Variants in PATJ observed in about 807,000 individuals in gnomAD.
PATJ encodes the protein inaD-like protein.
PATJ carries 190 observed loss-of-function variants against 224.9 expected under a neutral mutation model. The ratio of observed to expected loss-of-function variants is 0.84; its 90% confidence interval spans 0.75 to 0.95. The LOEUF is 0.95. PATJ is among the 40% of genes least tolerant of loss of function. The pLI, the probability that PATJ is intolerant of heterozygous loss-of-function variation, is 0.00. For synonymous variants in PATJ, 769 were observed against 820.3 expected (o/e 0.94, Z 1.07); for missense variants, 2,121 against 2,270.3 (o/e 0.93, Z 1.34).
At chr1:61,901,498 C>G in intron 24 of PATJ, 39 bp downstream of exon 24, 1 of 1,379,092 alleles carries the variant, frequency 7.3e-7, no homozygotes. Context: ...TGGAAACATA[C>G]GGTAAGACAG....
intron 16 of PATJ, among the ~76,000 whole-genome samples, chr1:61,832,670 G>A (rs1389951121): frequency 6.6e-6 from 1 of 152,100 alleles, no homozygotes; most frequent in African/African-American, 2.4e-5. Context: ...GATAACCATG[G>A]TAAACTCTGT....
Position 61,875,366 on chromosome 1 carries a change from G to C in PATJ, c.2959G>C (p.Gly987Arg). ...ATTAGCAAAAACTAGTCTGGATTTA[G>C]GTTTGTGACTTTTGTTTCTCATAAA... is the stretch of plus-strand genomic sequence containing the variant. ...NSLAKTSLDLGMIPNDVQGPS... is the reference protein window; with the variant it reads ...NSLAKTSLDLRMIPNDVQGPS... The change falls in exon 21 of 44, where the codon GGC becomes CGC. Residue 987 changes from glycine (G) to arginine (R), a missense_variant and splice_region_variant. By Grantham distance (125) the Gly-to-Arg change is moderately radical. Coordinates refer to ENST00000642238, the MANE Select transcript of PATJ (RefSeq NM_001350145.3). 1 of 1,597,438 alleles carries C rather than the reference G, an allele frequency of 6.3e-7. No homozygotes were observed. Among genetic ancestry groups the C allele is most frequent in the Non-Finnish European group, 8.5e-7 (1 of 1,174,564 alleles).
At chr1:61,955,751 T>C (rs576516988) in intron 27 of PATJ, among the ~76,000 whole-genome samples, 5 of 152,330 alleles carry the variant, frequency 3.3e-5, no homozygotes, top group African/African-American at 1.2e-4. Context: ...TTTGAAGTCT[T>C]ATTATTTTAT....
rs758380788 is a variant in PATJ at position 62,017,876 on chromosome 1, T to C, written c.3888T>C (p.Tyr1296=). ...AACAGATAAACAATCAGATTCTGTA[T>C]GGAAGAAGTCACCAAAATGCATCTG... ...ELLEINNQIL[Y]GRSHQNASAI... Residue 1296 remains tyrosine, a synonymous_variant, in exon 29 of 44, where the codon TAT becomes TAC. Transcript: ENST00000642238. 9 of 1,608,956 alleles carry C rather than the reference T, an allele frequency of 5.6e-6. No individual in the cohort carries two copies. Among genetic ancestry groups the C allele is most frequent in the Non-Finnish European group, 7.7e-6 (9 of 1,175,402 alleles).
At chr1:62,065,599 C>G (rs1243314064) in intron 31 of PATJ, among the ~76,000 whole-genome samples, 1 of 152,088 alleles carries the variant, frequency 6.6e-6, no homozygotes, top group Non-Finnish European at 1.5e-5. Context: ...CAGAGTAAGA[C>G]TCTGTCTCAA....
At chr1:62,068,483 T>C (rs756336371) in intron 31 of PATJ, among the ~76,000 whole-genome samples, 1 of 152,196 alleles carries the variant, frequency 6.6e-6, no homozygotes, top group Non-Finnish European at 1.5e-5. Flanking sequence ...TGTGTATGGC[T>C]GCCCAAAGCT....
At chr1:61,911,981 T>C in intron 25 of PATJ, among the ~76,000 whole-genome samples, 1 of 149,390 alleles carries the variant, frequency 6.7e-6, no homozygotes, top group Non-Finnish European at 1.5e-5. Flanking sequence ...TCATTTATTC[T>C]AAACTTTATT....
chr1:61,869,816 C>T (rs1024993226), intron 20 of PATJ, among the ~76,000 whole-genome samples: 5 of 152,340 alleles, frequency 3.3e-5, no homozygotes, highest in African/African-American at 7.2e-5. Flanking sequence ...AGACCTGCAG[C>T]GTTCACCCCT....
intron 41 of PATJ, among the ~76,000 whole-genome samples, chr1:62,145,971 CAAAT>C (rs555381881): frequency 6.6e-6 from 1 of 151,770 alleles, no homozygotes; most frequent in Non-Finnish European, 1.5e-5. Context: ...AATAAATAAA[CAAAT>C]AAATAAATGA....
chr1:62,079,092 A>G (rs1489580476), intron 31 of PATJ, among the ~76,000 whole-genome samples: 3 of 152,130 alleles, frequency 2.0e-5, no homozygotes, highest in Non-Finnish European at 4.4e-5. Flanking sequence ...CAAAGTCCAT[A>G]GATAAAGGGG....
In PATJ at chr1:61,827,539, G is replaced by T; in HGVS notation, c.1936G>T (p.Val646Leu). The T allele has an allele frequency of 6.2e-7, 1 of 1,614,052 alleles. No homozygotes were observed. Among genetic ancestry groups the T allele is most frequent in the Non-Finnish European group, 8.5e-7 (1 of 1,179,992 alleles). Reference sequence around the variant, plus strand: ...GAGGTTGTTTGATGATGAAGCTTCTGTAGATGAACCAAGGCGCACTGAAAC... The same window carrying T: ...GAGGTTGTTTGATGATGAAGCTTCTTTAGATGAACCAAGGCGCACTGAAAC... ...CRRLFDDEAS[V>L]DEPRRTETSL... The change falls in exon 16 of 44, where the codon GTA becomes TTA. Residue 646 changes from valine to leucine, a missense_variant. Val to Leu is a conservative substitution (Grantham distance 32). Coordinates refer to ENST00000642238, the MANE Select transcript of PATJ (RefSeq NM_001350145.3).
chr1:61,767,399 C>T (rs1646342350), intron 4 of PATJ, among the ~76,000 whole-genome samples: 2 of 151,900 alleles, frequency 1.3e-5, no homozygotes, highest in Non-Finnish European at 2.9e-5. Flanking sequence ...TATAGTCGGG[C>T]ATGGTGGCAC....
chr1:62,000,152 G>A (rs570126182), intron 28 of PATJ, among the ~76,000 whole-genome samples: 4 of 151,102 alleles, frequency 2.6e-5, no homozygotes, highest in East Asian at 2.0e-4. Context: ...GCCTCCCAAC[G>A]TGCTGGGATT....
Position 62,116,695 on chromosome 1 carries a change from G to T in PATJ, c.4803+16G>T. On this transcript the variant is annotated intron_variant, in intron 36 of 43. Coordinates refer to ENST00000642238, the MANE Select transcript of PATJ (RefSeq NM_001350145.3). The stretch of plus-strand genomic sequence containing the variant: ...CATCCTCAAGGTGAGTTGCTAGGCT[G>T]CTTTTTACCCAGCTGGCACAACTGA... 6.3e-7 allele frequency: 1 copy of T among 1,594,810 alleles called. No individual in the cohort carries two copies. The highest frequency in any genetic ancestry group is 8.5e-7 in the Non-Finnish European group (1 of 1,170,284).
At chr1:61,922,165 C>T (rs1444345795) in intron 26 of PATJ, among the ~76,000 whole-genome samples, 1 of 152,106 alleles carries the variant, frequency 6.6e-6, no homozygotes, top group Non-Finnish European at 1.5e-5. Flanking sequence ...GCCTCAGACT[C>T]CTAAATAGCT....
chr1:61,871,387 G>GTA (rs200638777), intron 20 of PATJ, among the ~76,000 whole-genome samples: 29,664 of 89,304 alleles, frequency 0.33, 5,030 homozygotes, highest in East Asian at 0.73. Context: ...AATTTTTTGT[G>GTA]TATATATATA....
At chr1:61,930,915 C>T (rs918608234) in intron 27 of PATJ, among the ~76,000 whole-genome samples, 1 of 152,162 alleles carries the variant, frequency 6.6e-6, no homozygotes, top group African/African-American at 2.4e-5. Flanking sequence ...GTTGGTCAGG[C>T]TGGTCTGAAA....
intron 30 of PATJ, among the ~76,000 whole-genome samples, chr1:62,043,715 T>C (rs996455983): frequency 7.5e-6 from 1 of 133,066 alleles, no homozygotes; most frequent in African/African-American, 2.6e-5. Flanking sequence ...TTTTTTTGTT[T>C]GGTTTTGGTT....
At chr1:61,912,885 T>C (rs1672899223) in intron 25 of PATJ, among the ~76,000 whole-genome samples, 1 of 152,200 alleles carries the variant, frequency 6.6e-6, no homozygotes. Context: ...TTTAAGATTC[T>C]TCAGGACAAG....
Sources: allele counts gnomAD v4.1 joint callset (sites outside exome capture counted in the v4.1 genomes callset), GRCh38; gene constraint gnomAD v4.1.1; transcripts MANE v1.5; gene names NCBI Gene and HGNC (gene_info 2026-07-23, HGNC 2026-07-21).